The following ATF7IP variants were observed in gnomAD, a reference collection of about 807,000 sequenced individuals.
The protein encoded by ATF7IP is activating transcription factor 7 interacting protein.
A neutral mutation model predicts 106.4 loss-of-function variants in ATF7IP; 23 were observed. The ratio of observed to expected loss-of-function variants is 0.22; its 90% CI spans 0.16 to 0.31. The LOEUF is 0.31. ATF7IP is among the 10% of genes least tolerant of loss of function. ATF7IP has a pLI of 1.00. For synonymous variants in ATF7IP, 542 were observed against 539.0 expected (o/e 1.01, Z -0.08); for missense variants, 1,334 against 1,524.3 (o/e 0.88, Z 2.08).
intron 10 of ATF7IP, 93 bp downstream of exon 10, chr12:14,466,683 CTA>C: frequency 3.0e-6 from 3 of 1,007,150 alleles, no homozygotes; most frequent in South Asian, 3.0e-5. Context: ...GAAAATTGTT[CTA>C]TGTGTGTTTT....
At chr12:14,481,586 A>G (rs1024867272) in intron 13 of ATF7IP, 4 of 430,234 alleles carry the variant, frequency 9.3e-6, no homozygotes, top group Admixed American at 2.8e-5. Flanking sequence ...AAACTAATCT[A>G]TTATTATTTT....
chr12:14,425,050 C>G lies in ATF7IP; in HGVS notation c.1135C>G (p.Leu379Val), dbSNP rs1335436222. 1.2e-6 allele frequency: 2 copies of G among 1,606,738 alleles called. No homozygotes were observed. Among genetic ancestry groups the G allele is most frequent in the Non-Finnish European group, 1.7e-6 (2 of 1,178,058 alleles). The change falls in exon 2 of 15, where the codon CTT becomes GTT. Residue 379 changes from leucine (L) to valine (V), a missense_variant. This residue lies in a region of ATF7IP where 438 missense variants were observed against 405.3 expected (regional missense o/e 1.08). Coordinates refer to ENST00000261168, the MANE Select transcript of ATF7IP (RefSeq NM_018179.5). The stretch of plus-strand genomic sequence containing the variant: ...GGTAGAGGAAGATATTATCACAGAG[C>G]TTGCTCTTGGAGAAGATGCTATATC... ...KKVEEDIITE[L>V]ALGEDAISSS...
At position 14,438,083 on chromosome 12, in the gene ATF7IP, T is replaced by A. The variant is rs369993625; in HGVS notation, c.1792-47T>A. ...AAAAGAATATTTACTGTTTATTGCTTGCTGGAATGCCTTCTTGGCATAATG... is the reference window on the plus strand; with the variant it reads ...AAAAGAATATTTACTGTTTATTGCTAGCTGGAATGCCTTCTTGGCATAATG... On this transcript the variant is annotated intron_variant, in intron 4 of 14. Coordinates refer to ENST00000261168, the MANE Select transcript of ATF7IP (RefSeq NM_018179.5). 3 of 1,582,582 alleles carry A rather than the reference T, an allele frequency of 1.9e-6. No homozygotes were observed. The East Asian group carries it at 6.7e-5, about 36-fold the overall frequency.
chr12:14,393,618 G>A (rs1939693023), intron 1 of ATF7IP, among the ~76,000 whole-genome samples: 1 of 151,996 alleles, frequency 6.6e-6, no homozygotes, highest in South Asian at 2.1e-4. Context: ...TATGTGATAG[G>A]GGTAACTTAA....
At chr12:14,478,496 A>G in intron 12 of ATF7IP, 24 bp downstream of exon 12, 2 of 1,613,156 alleles carry the variant, frequency 1.2e-6, no homozygotes, top group Non-Finnish European at 8.5e-7. Flanking sequence ...ATCATTGAGT[A>G]GAAGCTTTGG....
intron 1 of ATF7IP, among the ~76,000 whole-genome samples, chr12:14,388,643 A>T (rs1324332986): frequency 4.6e-5 from 7 of 151,790 alleles, no homozygotes; most frequent in African/African-American, 1.7e-4. Flanking sequence ...CACTGCGCCC[A>T]GCCTTCTTTC....
intron 1 of ATF7IP, among the ~76,000 whole-genome samples, chr12:14,403,126 A>G (rs957508115): frequency 1.3e-5 from 2 of 152,124 alleles, no homozygotes; most frequent in South Asian, 2.1e-4. Flanking sequence ...AGCTAAAGGA[A>G]TGATTTTTAT....
intron 1 of ATF7IP, among the ~76,000 whole-genome samples, chr12:14,404,052 A>T (rs1940411658): frequency 6.6e-6 from 1 of 152,056 alleles, no homozygotes; most frequent in South Asian, 2.1e-4. Context: ...CAGTTTTCAG[A>T]AATCTGGCTC....
At chr12:14,469,476 G>T (rs1465094536) in intron 10 of ATF7IP, among the ~76,000 whole-genome samples, 1 of 151,270 alleles carries the variant, frequency 6.6e-6, no homozygotes, top group African/African-American at 2.4e-5. Context: ...GTTAAATGAA[G>T]ATTTATCTGA....
Position 14,462,159 on chromosome 12 carries a change from CTA to C in ATF7IP, c.2797+1027_2797+1028del, listed in dbSNP as rs560062794. Reference sequence around the variant, plus strand: ...TCATTATCATATTTATAAGAATAAACTAATGTTTTATATGAAAGTGTAATTAT... The same window carrying C: ...TCATTATCATATTTATAAGAATAAACATGTTTTATATGAAAGTGTAATTAT... On this transcript the variant is annotated intron_variant, in intron 9 of 14. Coordinates refer to ENST00000261168, the MANE Select transcript of ATF7IP (RefSeq NM_018179.5). Among the ~76,000 whole-genome samples, 781 of 151,996 alleles carry C rather than the reference CTA, an allele frequency of 5.1e-3. 4 individuals carry two copies. Among genetic ancestry groups the C allele is most frequent in the East Asian group, 0.015 (79 of 5,184 alleles).
intron 13 of ATF7IP, among the ~76,000 whole-genome samples, chr12:14,488,078 C>T (rs1944685090): frequency 6.6e-6 from 1 of 151,928 alleles, no homozygotes; most frequent in African/African-American, 2.4e-5. Flanking sequence ...ACTCCAGAAA[C>T]CCCAAAATCA....
At chr12:14,406,981 C>T (rs913034756) in intron 1 of ATF7IP, among the ~76,000 whole-genome samples, 6 of 152,050 alleles carry the variant, frequency 3.9e-5, no homozygotes, top group Non-Finnish European at 8.8e-5. Flanking sequence ...GTGGATTACT[C>T]GTATAATTTT....
rs755978691 is a variant in ATF7IP at position 14,457,194 on chromosome 12, ATG to A, written c.2070-11_2070-10del. On this transcript the variant is annotated splice_polypyrimidine_tract_variant and intron_variant, in intron 7 of 14. Coordinates refer to ENST00000261168, the MANE Select transcript of ATF7IP (RefSeq NM_018179.5). ...ATATCTATTGACTATTGGTGTGTATATGTATTTCATAGAAATGCAGGCACAGT... is the reference window on the plus strand; with the variant it reads ...ATATCTATTGACTATTGGTGTGTATATATTTCATAGAAATGCAGGCACAGT... The A allele has an allele frequency of 6.3e-7, 1 of 1,595,626 alleles. No homozygotes were observed. Among genetic ancestry groups the A allele is most frequent in the South Asian group, 1.1e-5 (1 of 90,420 alleles).
chr12:14,477,630 A>G (rs1216342322), intron 11 of ATF7IP, among the ~76,000 whole-genome samples: 1 of 152,182 alleles, frequency 6.6e-6, no homozygotes, highest in Non-Finnish European at 1.5e-5. Context: ...ACATTCCTAA[A>G]GCACACTGTT....
In ATF7IP at chr12:14,436,213, A is replaced by T; in HGVS notation, c.1753A>T (p.Ile585Phe). 1 of 1,613,696 alleles carries T rather than the reference A, an allele frequency of 6.2e-7. No individual in the cohort carries two copies. The highest frequency in any genetic ancestry group is 8.5e-7 in the Non-Finnish European group (1 of 1,179,762). The change falls in exon 4 of 15, where the codon ATT (isoleucine) becomes TTT (phenylalanine). Residue 585 changes from isoleucine (I) to phenylalanine (F), a missense_variant. Transcript: ENST00000261168. ...EEYEAEFQVK[I>F]TAKGDINQKL... ...ATATGAGGCAGAATTTCAAGTAAAG[A>T]TTACAGCCAAAGGAGACATTAACCA...
intron 1 of ATF7IP, among the ~76,000 whole-genome samples, chr12:14,421,791 ACT>A (rs1330501220): frequency 6.6e-6 from 1 of 152,080 alleles, no homozygotes; most frequent in Non-Finnish European, 1.5e-5. Flanking sequence ...GTAATTGTAC[ACT>A]CTGCTGGGCA....
At chr12:14,463,547 C>T (rs1299341548) in intron 9 of ATF7IP, among the ~76,000 whole-genome samples, 1 of 151,982 alleles carries the variant, frequency 6.6e-6, no homozygotes, top group Non-Finnish European at 1.5e-5. Context: ...TTAGAATTTG[C>T]AGGTTTTTGT....
chr12:14,491,783 A>G (rs1944833278), intron 13 of ATF7IP, among the ~76,000 whole-genome samples: 1 of 152,238 alleles, frequency 6.6e-6, no homozygotes. Context: ...AATTTTCTCA[A>G]GGAGTGAAAC....
chr12:14,398,566 A>G (rs905327036), intron 1 of ATF7IP, among the ~76,000 whole-genome samples: 2 of 151,744 alleles, frequency 1.3e-5, no homozygotes, highest in Admixed American at 6.6e-5. Context: ...TGTGAAAAAA[A>G]TTATATTTTG....
Sources: gnomAD v4.1 joint callset for allele counts (sites outside exome capture counted in the v4.1 genomes callset) on GRCh38, gnomAD v4.1.1 for gene constraint, gnomAD v4.1.1 regional missense constraint, MANE v1.5 for transcripts, NCBI Gene and HGNC (gene_info 2026-07-23, HGNC 2026-07-21) for gene names.